The following IL33 variants were observed in gnomAD, a reference collection of about 807,000 sequenced individuals.
The protein encoded by IL33 is interleukin-33.
Under a neutral mutation model 27.3 loss-of-function variants are expected in IL33, and 37 were observed. The ratio of observed to expected loss-of-function variants is 1.36; its 90% CI spans 1.04 to 1.78. IL33 has a LOEUF of 1.78. Among genes scored for constraint, IL33 ranks in the 40% most tolerant of loss-of-function variants. The pLI, the probability that IL33 is intolerant of heterozygous loss-of-function variation, is 0.00. For missense variants in IL33, 406 were observed against 311.4 expected (o/e 1.30, Z -2.29); for synonymous variants, 132 against 102.9 (o/e 1.28, Z -1.71).
intron 1 of IL33, among the ~76,000 whole-genome samples, chr9:6,229,205 G>C (rs1818807279): frequency 6.6e-6 from 1 of 152,114 alleles, no homozygotes; most frequent in African/African-American, 2.4e-5. Context: ...CAAGGAAACT[G>C]AGACCTGGAG....
In IL33 at chr9:6,253,453, A is replaced by G. The variant is rs925550201; in HGVS notation, c.470-99A>G. 1.3e-5 allele frequency: 10 copies of G among 773,374 alleles called. No individual in the cohort carries two copies. The Admixed American group carries it at 2.6e-4, about 20-fold the overall frequency. The allele number at this position is 773,374 out of a possible 1,614,324, so 47.9% of individuals were successfully genotyped here. ...AAAGATTTGTTTTTATTGATATATA[A>G]TAAAAGGGGAGGATATTTTCTGATG... On this transcript the variant is annotated intron_variant, in intron 5 of 7. Transcript: ENST00000682010.
intron 1 of IL33, among the ~76,000 whole-genome samples, chr9:6,237,660 T>C (rs1307365948): frequency 6.6e-6 from 1 of 152,224 alleles, no homozygotes; most frequent in Non-Finnish European, 1.5e-5. Context: ...ACCTTTTCTA[T>C]GCTAACATGA....
At chr9:6,254,973 C>T (rs1476955472) in intron 7 of IL33, among the ~76,000 whole-genome samples, 10 of 152,026 alleles carry the variant, frequency 6.6e-5, no homozygotes, top group Admixed American at 5.2e-4. Context: ...CTCTAGGAAA[C>T]GTTTCTTTGT....
chr9:6,246,965 T>A (rs2130378302), intron 2 of IL33, among the ~76,000 whole-genome samples: 1 of 152,310 alleles, frequency 6.6e-6, no homozygotes, highest in East Asian at 1.9e-4. Flanking sequence ...CAGGTAGAGA[T>A]ATCCAGAATT....
intron 3 of IL33, among the ~76,000 whole-genome samples, chr9:6,250,898 GTGCTT>G (rs1274894914): frequency 6.6e-6 from 1 of 152,068 alleles, no homozygotes; most frequent in Non-Finnish European, 1.5e-5. Context: ...AGCATTAATA[GTGCTT>G]GCCTTTTGGG....
chr9:6,225,977 A>G (rs887282489), intron 1 of IL33, among the ~76,000 whole-genome samples: 9 of 151,968 alleles, frequency 5.9e-5, no homozygotes, highest in Admixed American at 1.3e-4. Flanking sequence ...CTGCAATTTC[A>G]TAACTAATAT....
intron 1 of IL33, among the ~76,000 whole-genome samples, chr9:6,225,603 T>G (rs897399405): frequency 1.6e-4 from 24 of 152,244 alleles, no homozygotes; most frequent in Admixed American, 1.0e-3. Context: ...TATCAAATGT[T>G]TATTTCACAA....
intron 1 of IL33, among the ~76,000 whole-genome samples, chr9:6,220,090 C>T (rs1310584433): frequency 6.6e-6 from 1 of 152,188 alleles, no homozygotes; most frequent in Non-Finnish European, 1.5e-5. Context: ...GCTACATTCA[C>T]CTTTTGCCCT....
rs60017987 is a variant in IL33, at chr9:6,252,059, A to AC, written c.343+794_343+795insC. Among the ~76,000 whole-genome samples the AC allele has an allele frequency of 2.6e-4, 32 of 123,008 alleles. 4 individuals carry two copies. The highest frequency in any genetic ancestry group is 8.0e-4 in the South Asian group (3 of 3,768). 80.7% of individuals were successfully genotyped at this position (123,008 alleles called of 152,430 possible). On this transcript the variant is annotated intron_variant, in intron 4 of 7. Transcript: ENST00000682010. The stretch of plus-strand genomic sequence containing the variant: ...AGAAAAAAAACAAACAAACAAACAA[A>AC]AAAAAACCCAACAAAAAACAAAACA...
chr9:6,248,400 T>C (rs749456462), intron 2 of IL33, among the ~76,000 whole-genome samples: 91 of 151,924 alleles, frequency 6.0e-4, no homozygotes, highest in Non-Finnish European at 6.5e-4. Flanking sequence ...TTACTGCTGT[T>C]ATCATGGGAG....
intron 7 of IL33, among the ~76,000 whole-genome samples, chr9:6,255,746 G>A (rs900686001): frequency 6.6e-6 from 1 of 152,072 alleles, no homozygotes; most frequent in East Asian, 1.9e-4. Flanking sequence ...AATCCATACT[G>A]CCTCTCTATG....
At chr9:6,228,511 G>A (rs554498343) in intron 1 of IL33, among the ~76,000 whole-genome samples, 1 of 145,366 alleles carries the variant, frequency 6.9e-6, no homozygotes, top group East Asian at 2.0e-4. Flanking sequence ...GTTCCATGTT[G>A]TTTTTTTTTT....
chr9:6,247,639 G>C (rs1341170410), intron 2 of IL33, among the ~76,000 whole-genome samples: 3 of 152,064 alleles, frequency 2.0e-5, no homozygotes, highest in Non-Finnish European at 4.4e-5. Context: ...TAGAGACATG[G>C]AAAGTGGTAA....
intron 4 of IL33, 119 bp downstream of exon 4, chr9:6,251,384 C>T (rs1816348346): frequency 6.8e-7 from 1 of 1,469,468 alleles, no homozygotes; most frequent in African/African-American, 1.4e-5. Flanking sequence ...CCAGAAACTT[C>T]TGCCCATTTG....
At chr9:6,241,093 C>T (rs372861127) in intron 1 of IL33, among the ~76,000 whole-genome samples, 1 of 152,094 alleles carries the variant, frequency 6.6e-6, no homozygotes, top group Admixed American at 6.6e-5. Context: ...TCTTCAGGGG[C>T]AATAACATGC....
Position 6,257,708 on chromosome 9 carries a change from A to G in IL33, c.*1540A>G, listed in dbSNP as rs745499637. ...TTACATTTCTACTTTATTGAGACCT[A>G]TTAGATGTAAGTGCTAGTAGAATAT... On this transcript the variant is annotated 3_prime_UTR_variant, in exon 8 of 8. Transcript: ENST00000682010. 4 of 152,256 alleles carry G rather than the reference A, an allele frequency of 2.6e-5. No individual in the cohort carries two copies. The highest frequency in any genetic ancestry group is 5.9e-5 in the Non-Finnish European group (4 of 68,026). The allele number at this position is 152,256 out of a possible 1,614,324, so 9.4% of individuals were successfully genotyped here.
rs557145262 is a variant in IL33, at chr9:6,246,050, A to C, written c.91+4265A>C. On this transcript the variant is annotated intron_variant, in intron 2 of 7. Coordinates refer to ENST00000682010, the MANE Select transcript of IL33 (RefSeq NM_033439.4). Reference sequence around the variant, plus strand: ...TGCACTCCAGCCTGGGTGACAGAGCAAGACTCTGTCTCCAAAAAAAAAAAA... The same window carrying C: ...TGCACTCCAGCCTGGGTGACAGAGCCAGACTCTGTCTCCAAAAAAAAAAAA... Among the ~76,000 whole-genome samples the C allele has an allele frequency of 1.8e-3, 228 of 124,146 alleles. 1 individual carries two copies. Among genetic ancestry groups the C allele is most frequent in the Middle Eastern group, 4.0e-3 (1 of 250 alleles). The allele number at this position is 124,146 out of a possible 152,430, so 81.4% of individuals were successfully genotyped here.
intron 1 of IL33, among the ~76,000 whole-genome samples, chr9:6,222,929 TATATC>T (rs1818471800): frequency 6.6e-6 from 1 of 152,162 alleles, no homozygotes; most frequent in African/African-American, 2.4e-5. Context: ...AATTCAGAAA[TATATC>T]ATACACATAA....
intron 1 of IL33, among the ~76,000 whole-genome samples, chr9:6,219,011 A>T (rs1016172576): frequency 6.8e-6 from 1 of 147,052 alleles, no homozygotes; most frequent in African/African-American, 2.5e-5. Flanking sequence ...GATGTCAGTC[A>T]GACTGTGCCA....
Sources: allele counts gnomAD v4.1 joint callset (sites outside exome capture counted in the v4.1 genomes callset), GRCh38; gene constraint gnomAD v4.1.1; transcripts MANE v1.5; gene names NCBI Gene and HGNC (gene_info 2026-07-23, HGNC 2026-07-21).